KIR2DL3: variants seen among roughly 807,000 people sequenced by gnomAD.
KIR2DL3 encodes the protein killer cell immunoglobulin like receptor, two Ig domains and long cytoplasmic tail 3.
In KIR2DL3, 39 loss-of-function variants were observed where a neutral mutation model predicts 33.8. That is an observed-to-expected ratio of 1.15 (90% CI 0.89 to 1.51). KIR2DL3 has a LOEUF of 1.51. Among genes scored for constraint, KIR2DL3 ranks in the 40% most tolerant of loss-of-function variants. KIR2DL3 has a pLI of 0.00. For synonymous variants in KIR2DL3, 174 were observed against 160.2 expected (o/e 1.09, Z -0.65); for missense variants, 462 against 426.2 (o/e 1.08, Z -0.74).
At chr19:54,745,472 C>T (rs568849520) in intron 4 of KIR2DL3, among the ~76,000 whole-genome samples, 5 of 152,052 alleles carry the variant, frequency 3.3e-5, no homozygotes, top group African/African-American at 1.2e-4. Flanking sequence ...AAATGATTTT[C>T]CTGCCTCAGC....
At chr19:54,744,870 TTATATATATA>T (rs1185648350) in intron 4 of KIR2DL3, among the ~76,000 whole-genome samples, 21 of 78,406 alleles carry the variant, frequency 2.7e-4, no homozygotes, top group South Asian at 1.5e-3. Flanking sequence ...ATAAATACAT[TTATATATATA>T]TATATATATA....
chr19:54,747,003 T>C (rs904708402), intron 4 of KIR2DL3, among the ~76,000 whole-genome samples: 53 of 142,410 alleles, frequency 3.7e-4, no homozygotes, highest in South Asian at 1.4e-3. Context: ...GAAAAAAACA[T>C]TGGAGGTAAA....
chr19:54,743,607 G>T (rs1483211060), intron 3 of KIR2DL3, among the ~76,000 whole-genome samples, 188 bp from the exon 4 acceptor site: 1 of 152,044 alleles, frequency 6.6e-6, no homozygotes, highest in Non-Finnish European at 1.5e-5. Flanking sequence ...GGGGAAGCGA[G>T]GTCAGAGACC....
At chr19:54,739,848 G>T (rs368843894) in intron 2 of KIR2DL3, among the ~76,000 whole-genome samples, 20 of 152,216 alleles carry the variant, frequency 1.3e-4, no homozygotes, top group East Asian at 1.2e-3. Flanking sequence ...GATGGTAGGG[G>T]CTGCAGTGTG....
At chr19:54,744,224 A>G (rs1429005783) in intron 4 of KIR2DL3, 136 bp downstream of exon 4, 1 of 1,392,970 alleles carries the variant, frequency 7.2e-7, no homozygotes, top group Admixed American at 2.1e-5. Flanking sequence ...GGATCAGGGC[A>G]CAGGATGGCA....
chr19:54,744,931 T>C (rs1367273505), intron 4 of KIR2DL3, among the ~76,000 whole-genome samples: 45 of 19,406 alleles, frequency 2.3e-3, no homozygotes, highest in African/African-American at 7.1e-3. Flanking sequence ...CATATATATA[T>C]ATATATATAT....
chr19:54,752,374 A>G lies in KIR2DL3; in HGVS notation c.881A>G (p.Asp294Gly), dbSNP rs2073599331. ...GCATTTCCCTCTCTCCAGGACTCTG[A>G]TGAACAAGACCCTCAGGAGGTGACA... is the stretch of plus-strand genomic sequence containing the variant. Reference protein sequence around the residue: ...GNRTVNREDSDEQDPQEVTYA... With the variant: ...GNRTVNREDSGEQDPQEVTYA... The change falls in exon 8 of 8, where the codon GAT (aspartate) becomes GGT (glycine). Residue 294 changes from aspartate to glycine, a missense_variant. By Grantham distance (94) the Asp-to-Gly change is moderately conservative. Transcript: ENST00000342376. 4.1e-6 allele frequency: 6 copies of G among 1,473,000 alleles called. No individual in the cohort carries two copies. The highest frequency in any genetic ancestry group is 2.6e-5 in the South Asian group (2 of 77,946). 91.2% of individuals were successfully genotyped at this position (1,473,000 alleles called of 1,614,324 possible).
At chr19:54,744,950 A>ATT (rs2072171546) in intron 4 of KIR2DL3, among the ~76,000 whole-genome samples, 5 of 26,798 alleles carry the variant, frequency 1.9e-4, no homozygotes, top group East Asian at 8.5e-4. Context: ...ATATATATAT[A>ATT]TATATTTTTT....
chr19:54,742,969 A>G (rs1460147835), intron 3 of KIR2DL3, among the ~76,000 whole-genome samples: 1 of 152,058 alleles, frequency 6.6e-6, no homozygotes, highest in Non-Finnish European at 1.5e-5. Context: ...TCACAGACAC[A>G]TAAAGAGAGA....
At chr19:54,740,584 C>T (rs758230970) in intron 2 of KIR2DL3, among the ~76,000 whole-genome samples, 44 of 151,662 alleles carry the variant, frequency 2.9e-4, no homozygotes, top group Non-Finnish European at 5.2e-4. Flanking sequence ...TTCTCCTTGT[C>T]CCACCTCCTG....
chr19:54,741,470 G>C (rs1446966584), intron 2 of KIR2DL3, among the ~76,000 whole-genome samples: 23 of 152,172 alleles, frequency 1.5e-4, no homozygotes, highest in African/African-American at 4.3e-4. Flanking sequence ...CCTCCAACCA[G>C]CACCAGGAGC....
chr19:54,747,333 A>G lies in KIR2DL3; in HGVS notation c.665-2A>G, dbSNP rs763380490. The G allele has an allele frequency of 5.6e-6, 9 of 1,611,116 alleles. No homozygotes were observed. The Admixed American group carries it at 1.5e-4, about 27-fold the overall frequency. On this transcript the variant is annotated splice_acceptor_variant, in intron 4 of 7. Coordinates refer to ENST00000342376, the MANE Select transcript of KIR2DL3 (RefSeq NM_015868.3). LOFTEE classifies it high-confidence loss of function. ...TCACCTCTCTCCTGTCTCGTGTTCT[A>G]GGAAACCCTTCAAATAGTTGGCCTT...
chr19:54,744,919 AAC>A (rs1446013825), intron 4 of KIR2DL3, among the ~76,000 whole-genome samples: 3 of 41,024 alleles, frequency 7.3e-5, no homozygotes, highest in East Asian at 1.3e-3. Flanking sequence ...CACATATATA[AAC>A]ATATATATAT....
chr19:54,750,398 C>T (rs1240748780), intron 5 of KIR2DL3, among the ~76,000 whole-genome samples: 1 of 142,398 alleles, frequency 7.0e-6, no homozygotes, highest in Non-Finnish European at 1.5e-5. Context: ...TCGGGTAGAA[C>T]AGCAGCCTAA....
Position 54,744,954 on chromosome 19 carries a change from A to ATTTTTT in KIR2DL3, c.664+884_664+889dup, listed in dbSNP as rs71195797. 3.2e-3 allele frequency among the ~76,000 whole-genome samples: 99 copies of ATTTTTT among 31,238 alleles called. 2 individuals are homozygous for ATTTTTT. The highest frequency in any genetic ancestry group is 5.7e-3 in the South Asian group (5 of 874). The allele number at this position is 31,238 out of a possible 152,430, so 20.5% of individuals were successfully genotyped here. On this transcript the variant is annotated intron_variant, in intron 4 of 7. Coordinates refer to ENST00000342376, the MANE Select transcript of KIR2DL3 (RefSeq NM_015868.3). The stretch of plus-strand genomic sequence containing the variant: ...TATATATATATATATATATATATAT[A>ATTTTTT]TTTTTTTTTTTTTTTTTTTTTTTAC...
chr19:54,744,406 G>T (rs1317870015), intron 4 of KIR2DL3, among the ~76,000 whole-genome samples: 1 of 152,060 alleles, frequency 6.6e-6, no homozygotes, highest in Admixed American at 6.5e-5. Flanking sequence ...CCATTTCCCA[G>T]AAGCCCATCC....
intron 4 of KIR2DL3, among the ~76,000 whole-genome samples, chr19:54,745,432 G>C (rs2072312232): frequency 6.6e-6 from 1 of 151,526 alleles, no homozygotes; most frequent in African/African-American, 2.4e-5. Flanking sequence ...AAGTCATCTT[G>C]GCTCATTGCA....
At chr19:54,745,523 T>G (rs2072332051) in intron 4 of KIR2DL3, among the ~76,000 whole-genome samples, 2 of 150,084 alleles carry the variant, frequency 1.3e-5, no homozygotes, top group Admixed American at 6.6e-5. Flanking sequence ...CCACCATGCC[T>G]GGCTACTTTT....
At chr19:54,740,379 A>C (rs1951435) in intron 2 of KIR2DL3, among the ~76,000 whole-genome samples, 85,995 of 149,252 alleles carry the variant, frequency 0.58, 25,006 homozygotes, top group Middle Eastern at 0.68. Context: ...TCAGTCTGTA[A>C]AAGGAAGGTG....
Sources: gnomAD v4.1 joint callset for allele counts (sites outside exome capture counted in the v4.1 genomes callset) on GRCh38, gnomAD v4.1.1 for gene constraint, MANE v1.5 for transcripts, NCBI Gene and HGNC (gene_info 2026-07-23, HGNC 2026-07-21) for gene names.